Variants in TCF20 observed in about 807,000 individuals in gnomAD.
TCF20 encodes SPRE-binding protein.
In TCF20, 3 loss-of-function variants were observed where a neutral mutation model predicts 148.6. That is an observed-to-expected ratio of 0.02 (90% CI 0.01 to 0.05). TCF20 has a LOEUF of 0.05. Among genes scored for constraint, TCF20 ranks in the 10% least tolerant of loss-of-function variants. TCF20 has a pLI of 1.00. For missense variants in TCF20, 2,350 were observed against 2,429.3 expected, an observed-to-expected ratio of 0.97 and a Z score of 0.69; for synonymous variants, 1,049 against 909.5, an observed-to-expected ratio of 1.15 and a Z score of -2.76.
chr22:42,179,757 C>G (rs1936681346), intron 2 of TCF20, 55 bp from the exon 3 acceptor site: 1 of 1,153,356 alleles, frequency 8.7e-7, no homozygotes, highest in Non-Finnish European at 1.3e-6. Context: ...GCCCTCTCCT[C>G]CAGGCCTTCC....
intron 1 of TCF20, among the ~76,000 whole-genome samples, chr22:42,268,606 AT>A: frequency 6.6e-6 from 1 of 152,348 alleles, no homozygotes; most frequent in Admixed American, 6.5e-5. Context: ...ATCCTCCAAA[AT>A]CCCCTGCGTA....
At chr22:42,198,500 A>G (rs1469705200) in intron 2 of TCF20, among the ~76,000 whole-genome samples, 2 of 152,258 alleles carry the variant, frequency 1.3e-5, no homozygotes, top group East Asian at 3.8e-4. Flanking sequence ...ATTTGTATAT[A>G]AGCTAAGCAC....
rs140637102 is a variant in TCF20, at chr22:42,214,294, G to T, written c.1012C>A (p.Leu338Met). The change falls in exon 2 of 6, where the codon CTG (leucine) becomes ATG (methionine). Residue 338 changes from leucine (L) to methionine (M), a missense_variant. Transcript: ENST00000677622. Reference protein sequence around the residue: ...VMQYTNAATKLPLQSQVGQYN... With the variant: ...VMQYTNAATKMPLQSQVGQYN... ...TGCCCCACTTGGCTTTGCAGGGGCAGCTTGGTGGCAGCGTTAGTATACTGC... is the reference window on the plus strand; with the variant it reads ...TGCCCCACTTGGCTTTGCAGGGGCATCTTGGTGGCAGCGTTAGTATACTGC... 1.9e-6 allele frequency: 3 copies of T among 1,614,244 alleles called. No individual in the cohort carries two copies. The South Asian group carries it at 3.3e-5, about 18-fold the overall frequency.
chr22:42,160,498 G>T lies in TCF20; in HGVS notation c.*905C>A, dbSNP rs1053582968. ...TGCCTGGAATGTGCTGAGGACAGGG[G>T]GCCCCAGAGGAGGGTCATCCCTTGA... On this transcript the variant is annotated 3_prime_UTR_variant, in exon 6 of 6. Coordinates refer to ENST00000677622, the MANE Select transcript of TCF20 (RefSeq NM_001378418.1). 12 of 152,644 alleles carry T rather than the reference G, an allele frequency of 7.9e-5. No individual in the cohort carries two copies. The highest frequency in any genetic ancestry group is 2.9e-4 in the African/African-American group (12 of 41,478). 9.5% of individuals were successfully genotyped at this position (152,644 alleles called of 1,614,324 possible). A position where few individuals can be genotyped will look rare whatever the true frequency, so the allele number is the denominator to read the frequency against.
At chr22:42,162,680 C>T (rs1935537579) in intron 5 of TCF20, among the ~76,000 whole-genome samples, 1 of 152,224 alleles carries the variant, frequency 6.6e-6, no homozygotes, top group Non-Finnish European at 1.5e-5. Flanking sequence ...CACTGGGGCT[C>T]ACCTAACTGC....
chr22:42,208,731 G>A (rs765601964), intron 2 of TCF20, among the ~76,000 whole-genome samples: 6 of 152,058 alleles, frequency 3.9e-5, no homozygotes, highest in Middle Eastern at 3.4e-3. Flanking sequence ...TAAAAACAGC[G>A]GATCAATCCA....
At chr22:42,240,222 A>G (rs1000987811) in intron 1 of TCF20, among the ~76,000 whole-genome samples, 1 of 152,240 alleles carries the variant, frequency 6.6e-6, no homozygotes, top group Non-Finnish European at 1.5e-5. Flanking sequence ...ATTGCAAACA[A>G]GGGGCAGAGC....
At chr22:42,174,383 C>T (rs1159553083) in intron 3 of TCF20, among the ~76,000 whole-genome samples, 2 of 152,144 alleles carry the variant, frequency 1.3e-5, no homozygotes, top group Admixed American at 6.5e-5. Context: ...AGAAGGCAGG[C>T]TATCAGCAGA....
intron 1 of TCF20, among the ~76,000 whole-genome samples, chr22:42,341,794 T>C (rs1928173855): frequency 6.6e-6 from 1 of 151,774 alleles, no homozygotes; most frequent in Admixed American, 6.6e-5. Context: ...GGGGGCAAGA[T>C]GGAAGCGTCC....
intron 1 of TCF20, among the ~76,000 whole-genome samples, chr22:42,220,100 C>G (rs939011144): frequency 6.6e-6 from 1 of 152,192 alleles, no homozygotes. Flanking sequence ...ACCTTGCCCT[C>G]TTATAGAAAA....
At chr22:42,250,600 A>G (rs997678003) in intron 1 of TCF20, among the ~76,000 whole-genome samples, 1 of 152,134 alleles carries the variant, frequency 6.6e-6, no homozygotes, top group African/African-American at 2.4e-5. Context: ...TCATCAAAAG[A>G]CCTAGTTTGT....
chr22:42,297,610 T>C lies in TCF20; in HGVS notation c.-37+45869A>G, dbSNP rs1927259387. On this transcript the variant is annotated intron_variant, in intron 1 of 1. Coordinates refer to the TCF20 transcript ENST00000515426. This position sits in a 1 kb window ranked among gnomAD's most constrained non-coding sequence, Gnocchi z 4.3. ...AGCCCATGATCCCTGAGCCTCGAGC[T>C]CAGCCCCCAGGAGCTTCCCCTTCAT... 6.6e-6 allele frequency among the ~76,000 whole-genome samples: 1 copy of C among 152,142 alleles called. No individual in the cohort carries two copies. Among genetic ancestry groups the C allele is most frequent in the African/African-American group, 2.4e-5 (1 of 41,430 alleles).
chr22:42,193,640 T>C (rs539694054), intron 2 of TCF20, among the ~76,000 whole-genome samples: 3 of 152,270 alleles, frequency 2.0e-5, no homozygotes, highest in Admixed American at 1.3e-4. Flanking sequence ...AAGATTTAAG[T>C]GTCTATTGTT....
Position 42,212,127 on chromosome 22 carries a change from G to A in TCF20, c.3179C>T (p.Ala1060Val), listed in dbSNP as rs1569148140. 1.2e-6 allele frequency: 2 copies of A among 1,614,164 alleles called. No homozygotes were observed. Among genetic ancestry groups the A allele is most frequent in the East Asian group, 2.2e-5 (1 of 44,882 alleles). ...CCGAGTATTTGCATGATAAGCAGAG[G>A]CCAGGGTTTCTGAGTTGGGAGAAAA... The part of the protein sequence containing the change: ...TPFSPNSETL[A>V]SAYHANTRAH... Residue 1060 changes from alanine to valine, a missense_variant, in exon 2 of 6, where the codon GCC becomes GTC. By Grantham distance (64) the Ala-to-Val change is moderately conservative (BLOSUM62 0). Coordinates refer to ENST00000677622, the MANE Select transcript of TCF20 (RefSeq NM_001378418.1).
intron 1 of TCF20, among the ~76,000 whole-genome samples, chr22:42,217,317 T>C (rs1362510423): frequency 6.6e-6 from 1 of 152,188 alleles, no homozygotes; most frequent in Admixed American, 6.5e-5. Context: ...CAGAGCCAGA[T>C]AGCTTGCTCT....
At chr22:42,293,432 A>G (rs2147027562) in intron 1 of TCF20, among the ~76,000 whole-genome samples, 1 of 152,344 alleles carries the variant, frequency 6.6e-6, no homozygotes, top group East Asian at 1.9e-4. Context: ...GGGAATTCCC[A>G]TTTGACCTCC....
intron 1 of TCF20, among the ~76,000 whole-genome samples, chr22:42,233,481 G>T (rs371199975): frequency 6.6e-6 from 1 of 152,222 alleles, no homozygotes; most frequent in African/African-American, 2.4e-5. Flanking sequence ...CCTTCTGCGT[G>T]AATAATACCA....
At chr22:42,287,860 C>T (rs1189537101), upstream of TCF20, among the ~76,000 whole-genome samples, 2 of 151,000 alleles carry the variant, frequency 1.3e-5, no homozygotes, top group Non-Finnish European at 2.9e-5. Flanking sequence ...TAAAGCCTCA[C>T]TAGCCAAAAA....
chr22:42,265,849 CTT>C (rs756058762), intron 1 of TCF20, among the ~76,000 whole-genome samples: 2 of 152,172 alleles, frequency 1.3e-5, no homozygotes, highest in Non-Finnish European at 2.9e-5. Flanking sequence ...TTATGTTACT[CTT>C]TAAGCTGATA....
Sources: allele counts gnomAD v4.1 joint callset (sites outside exome capture counted in the v4.1 genomes callset), GRCh38; gene constraint gnomAD v4.1.1; non-coding constraint Gnocchi (gnomAD v3.1); transcripts MANE v1.5; gene names NCBI Gene and HGNC (gene_info 2026-07-23, HGNC 2026-07-21).